CUL4B: variants seen among roughly 807,000 people sequenced by gnomAD.
CUL4B encodes the protein cullin-4B.
Under a neutral mutation model 69.2 loss-of-function variants are expected in CUL4B, and 1 was observed. The ratio of observed to expected loss-of-function variants is 0.01; its 90% CI spans 0.01 to 0.07. The LOEUF (loss-of-function observed/expected upper bound fraction) is 0.07. CUL4B is among the 10% of genes least tolerant of loss of function. The pLI, the probability that CUL4B is intolerant of heterozygous loss-of-function variation, is 1.00. For missense variants in CUL4B, 328 were observed against 638.8 expected, an observed-to-expected ratio of 0.51 and a Z score of 5.24; for synonymous variants, 237 against 223.2, an observed-to-expected ratio of 1.06 and a Z score of -0.55.
chrX:120,563,891 C>G (rs1279529573), upstream of CUL4B, among the ~76,000 whole-genome samples: 1 of 112,487 alleles, frequency 8.9e-6, no homozygotes, highest in African/African-American at 3.2e-5. Flanking sequence ...AACTTTTCTA[C>G]TAACCTAAAT....
intron 2 of CUL4B, among the ~76,000 whole-genome samples, chrX:120,573,116 T>C (rs963914696): frequency 1.8e-5 from 2 of 111,963 alleles, no homozygotes; most frequent in Non-Finnish European, 3.8e-5. Context: ...TTTTACCTGT[T>C]AAATTTGGTG....
chrX:120,533,315 T>G (rs1465633985), intron 17 of CUL4B, among the ~76,000 whole-genome samples: 1 of 111,975 alleles, frequency 8.9e-6, no homozygotes, highest in African/African-American at 3.2e-5. Flanking sequence ...TGTAGATTGA[T>G]TTCAGTAAGT....
Position 120,540,392 on chromosome X carries a change from T to C in CUL4B, c.1614A>G (p.Pro538=), listed in dbSNP as rs1923919082. Residue 538 remains proline (P), a synonymous_variant, in exon 11 of 20, where the codon CCA becomes CCG. Coordinates refer to ENST00000371322, the MANE Select transcript of CUL4B (RefSeq NM_001079872.2). ...EAFETFINKR[P]NKPAELIAKY... ...TACCTATAAGTTCAGCTGGTTTATT[T>C]GGTCTTTTGTTAATGAACGTTTCAA... The C allele has an allele frequency of 2.5e-6, 3 of 1,208,368 alleles. No individual in the cohort carries two copies. Among genetic ancestry groups the C allele is most frequent in the African/African-American group, 3.5e-5 (2 of 57,256 alleles).
chrX:120,535,435 T>C, intron 16 of CUL4B, among the ~76,000 whole-genome samples: 1 of 110,494 alleles, frequency 9.1e-6, no homozygotes, highest in Non-Finnish European at 1.9e-5. Flanking sequence ...CCAGATGCGG[T>C]GGTTCACACC....
intron 18 of CUL4B, among the ~76,000 whole-genome samples, chrX:120,531,016 T>A (rs894231716): frequency 1.8e-5 from 2 of 111,546 alleles, no homozygotes; most frequent in Admixed American, 1.9e-4. Context: ...GAGATACTGG[T>A]CGCTGTCCTA....
chrX:120,526,705 G>C lies in CUL4B; in HGVS notation c.*56C>G. On this transcript the variant is annotated 3_prime_UTR_variant, in exon 20 of 20. Coordinates refer to ENST00000371322, the MANE Select transcript of CUL4B (RefSeq NM_001079872.2). ...GGAGTCAAATAATATTGAATCAACA[G>C]GTTAGTTTATCCACTGGCTACTGCA... is the stretch of plus-strand genomic sequence containing the variant. 1 of 744,228 alleles carries C rather than the reference G, an allele frequency of 1.3e-6. No individual in the cohort carries two copies. The highest frequency in any genetic ancestry group is 2.1e-6 in the Non-Finnish European group (1 of 479,390). The allele number at this position is 744,228 out of a possible 1,213,427, so 61.3% of individuals were successfully genotyped here.
At chrX:120,545,302 G>A in intron 5 of CUL4B, 142 bp downstream of exon 5, 1 of 488,606 alleles carries the variant, frequency 2.0e-6, no homozygotes. Context: ...TTATTAGGAA[G>A]ATAAAACTGC....
intron 2 of CUL4B, among the ~76,000 whole-genome samples, chrX:120,552,959 T>A (rs1924772285): frequency 8.9e-6 from 1 of 112,457 alleles, no homozygotes; most frequent in Admixed American, 9.4e-5. Context: ...ACTAAGAATC[T>A]GTTTAAAGGA....
intron 9 of CUL4B, 54 bp from the exon 10 acceptor site, chrX:120,541,774 G>T: frequency 1.4e-6 from 1 of 733,978 alleles, no homozygotes; most frequent in Non-Finnish European, 2.2e-6. Flanking sequence ...AAGTGAACAA[G>T]ATTATCAGAC....
chrX:120,561,151 G>A, upstream of CUL4B: 3 of 945,338 alleles, frequency 3.2e-6, no homozygotes, highest in Non-Finnish European at 1.4e-6. Flanking sequence ...GTGGGGGTGA[G>A]GGAAGCGCTG....
chrX:120,534,190 T>A lies in CUL4B; in HGVS notation c.2266+291A>T, dbSNP rs138110657. ...TTTGAGACCAGGCTAAGCAACATAGTGAGACCCTGTCTCTACAAAAAAAAA... is the reference window on the plus strand; with the variant it reads ...TTTGAGACCAGGCTAAGCAACATAGAGAGACCCTGTCTCTACAAAAAAAAA... On this transcript the variant is annotated intron_variant, in intron 17 of 19. Coordinates refer to ENST00000371322, the MANE Select transcript of CUL4B (RefSeq NM_001079872.2). 0.036 allele frequency among the ~76,000 whole-genome samples: 3,822 copies of A among 106,712 alleles called. 173 individuals are homozygous for A. Among genetic ancestry groups the A allele is most frequent in the African/African-American group, 0.12 (3,485 of 29,054 alleles). The allele number at this position is 106,712 out of a possible 115,157, so 92.7% of individuals were successfully genotyped here. A position where few individuals can be genotyped will look rare whatever the true frequency, so the allele number is the denominator to read the frequency against.
In CUL4B at chrX:120,560,892, G is replaced by T; in HGVS notation, c.-254C>A. On this transcript the variant is annotated 5_prime_UTR_variant, in exon 1 of 20. Coordinates refer to ENST00000371322, the MANE Select transcript of CUL4B (RefSeq NM_001079872.2). ...GAATGAGGAGGCAGACAGGTAAACG[G>T]CCGTGCCGTCCCCCTCCCCTGCTTT... The T allele has an allele frequency of 2.7e-6, 2 of 753,328 alleles. No individual in the cohort carries two copies. Among genetic ancestry groups the T allele is most frequent in the Non-Finnish European group, 1.6e-6 (1 of 638,961 alleles). 62.1% of individuals were successfully genotyped at this position (753,328 alleles called of 1,213,427 possible).
intron 18 of CUL4B, 31 bp from the exon 19 acceptor site, chrX:120,530,285 T>C (rs1463042786): frequency 1.7e-6 from 2 of 1,186,106 alleles, no homozygotes; most frequent in East Asian, 3.0e-5. Context: ...CTAGGAATTA[T>C]ACCAGAAGCA....
chrX:120,526,642 T>G lies in CUL4B; in HGVS notation c.*119A>C, dbSNP rs1244916157. Reference sequence around the variant, plus strand: ...AAAAAGTCCACTCAACTATTTCCATTAATTACACTGCTTCATTTGGTCATC... The same window carrying G: ...AAAAAGTCCACTCAACTATTTCCATGAATTACACTGCTTCATTTGGTCATC... On this transcript the variant is annotated 3_prime_UTR_variant, in exon 20 of 20. Coordinates refer to ENST00000371322, the MANE Select transcript of CUL4B (RefSeq NM_001079872.2). The G allele has an allele frequency of 8.1e-5, 39 of 482,473 alleles. No homozygotes were observed. The highest frequency in any genetic ancestry group is 3.6e-4 in the Middle Eastern group (1 of 2,769). The allele number at this position is 482,473 out of a possible 1,213,427, so 39.8% of individuals were successfully genotyped here. A position where few individuals can be genotyped will look rare whatever the true frequency, so the allele number is the denominator to read the frequency against.
Position 120,524,031 on chromosome X carries a change from A to T in CUL4B, c.*2730T>A, listed in dbSNP as rs1166019025. ...AGATTTATGAATATCCAGATTAAAA[A>T]ACAAACTTCTCAAATCTTTAGATCC... is the stretch of plus-strand genomic sequence containing the variant. On this transcript the variant is annotated 3_prime_UTR_variant, in exon 20 of 20. Transcript: ENST00000371322. Among the ~76,000 whole-genome samples the T allele has an allele frequency of 2.7e-5, 3 of 111,628 alleles. No individual in the cohort carries two copies. The highest frequency in any genetic ancestry group is 5.6e-5 in the Non-Finnish European group (3 of 53,098).
At chrX:120,560,017 A>G in intron 1 of CUL4B, 66 bp downstream of exon 1, 1 of 1,210,416 alleles carries the variant, frequency 8.3e-7, no homozygotes, top group Non-Finnish European at 1.1e-6. Context: ...ATTAACATAA[A>G]TAGAGCACGT....
intron 18 of CUL4B, among the ~76,000 whole-genome samples, chrX:120,531,712 G>T (rs1345837395): frequency 9.0e-6 from 1 of 111,016 alleles, no homozygotes; most frequent in Non-Finnish European, 1.9e-5. Context: ...TGCCCGCCTC[G>T]GCCTCCCAAG....
chrX:120,547,670 G>C (rs937401064), intron 2 of CUL4B, among the ~76,000 whole-genome samples: 1 of 111,500 alleles, frequency 9.0e-6, no homozygotes. Flanking sequence ...GTGTCAACTT[G>C]ATTGGATTGA....
intron 2 of CUL4B, among the ~76,000 whole-genome samples, chrX:120,554,380 AT>A (rs1172999914): frequency 8.9e-6 from 1 of 112,017 alleles, no homozygotes; most frequent in Non-Finnish European, 1.9e-5. Flanking sequence ...AATCAGTCTT[AT>A]TTGCAGTCAA....
Sources: allele counts gnomAD v4.1 joint callset (sites outside exome capture counted in the v4.1 genomes callset), GRCh38; gene constraint gnomAD v4.1.1; transcripts MANE v1.5; gene names NCBI Gene and HGNC (gene_info 2026-07-23, HGNC 2026-07-21).